The following ARFGEF1 variants were observed in gnomAD, a reference collection of about 807,000 sequenced individuals.
ARFGEF1 encodes the protein ARF guanine nucleotide exchange factor 1.
ARFGEF1 carries 42 observed loss-of-function variants against 231.0 expected under a neutral mutation model. The observed-to-expected ratio is 0.18, with a 90% CI of 0.14 to 0.24. ARFGEF1 has a LOEUF of 0.24. ARFGEF1 is among the 10% of genes least tolerant of loss of function. The pLI is 1.00. For synonymous variants in ARFGEF1, 710 were observed against 732.3 expected (o/e 0.97, Z 0.49); for missense variants, 1,345 against 2,192.0 (o/e 0.61, Z 7.72).
intron 13 of ARFGEF1, among the ~76,000 whole-genome samples, chr8:67,266,588 C>A (rs1804862653): frequency 6.6e-6 from 1 of 152,070 alleles, no homozygotes; most frequent in African/African-American, 2.4e-5. Context: ...TTAAAACATA[C>A]TGCCTTTTAT....
intron 5 of ARFGEF1, among the ~76,000 whole-genome samples, chr8:67,185,737 TGAA>T (rs1321143743): frequency 1.3e-5 from 2 of 152,008 alleles, no homozygotes; most frequent in East Asian, 1.9e-4. Flanking sequence ...CTGAAGATGA[TGAA>T]GATGATGATG....
At chr8:67,341,091 A>G (rs931236177) in intron 1 of ARFGEF1, among the ~76,000 whole-genome samples, 1 of 152,162 alleles carries the variant, frequency 6.6e-6, no homozygotes. Flanking sequence ...GGACTTGCCT[A>G]ATACTACAAC....
Position 67,269,121 on chromosome 8 carries a change from T to C in ARFGEF1, c.1573-1679A>G, listed in dbSNP as rs532844320. On this transcript the variant is annotated intron_variant, in intron 10 of 38. Coordinates refer to ENST00000262215, the MANE Select transcript of ARFGEF1 (RefSeq NM_006421.5). ...TTATCGAGGACCTATAATGTATGTA[T>C]GTGGAACAACAGCTATATCTTAAGT... 5.3e-5 allele frequency among the ~76,000 whole-genome samples: 8 copies of C among 152,320 alleles called. No homozygotes were observed. The East Asian group carries it at 1.5e-3, about 29-fold the overall frequency.
At chr8:67,325,669 C>T (rs928082258) in intron 1 of ARFGEF1, among the ~76,000 whole-genome samples, 25 of 152,248 alleles carry the variant, frequency 1.6e-4, no homozygotes, top group Middle Eastern at 3.4e-3. Context: ...ATAACTAATA[C>T]GTCTAATATT....
intron 36 of ARFGEF1, chr8:67,201,914 A>C: frequency 3.1e-6 from 1 of 322,066 alleles, no homozygotes; most frequent in Non-Finnish European, 5.7e-6. Flanking sequence ...CCTCAGATAA[A>C]CAGGGGCAAC....
Position 67,291,877 on chromosome 8 carries a change from T to C in ARFGEF1, c.886A>G (p.Thr296Ala). ...SDISSAENEQ[T>A]EADQATAAET... ...GCTGCAGTTGCCTGATCAGCTTCAG[T>C]CTGTTCATTTTCTGCACTGGAAATA... The change falls in exon 6 of 39, where the codon ACT becomes GCT. Residue 296 changes from threonine to alanine, a missense_variant. Thr to Ala is a moderately conservative substitution (Grantham distance 58, BLOSUM62 0). Transcript: ENST00000262215. 1 of 1,613,864 alleles carries C rather than the reference T, an allele frequency of 6.2e-7. No homozygotes were observed. Among genetic ancestry groups the C allele is most frequent in the Non-Finnish European group, 8.5e-7 (1 of 1,179,826 alleles).
chr8:67,271,613 TG>T, intron 10 of ARFGEF1, 88 bp downstream of exon 10: 2 of 927,340 alleles, frequency 2.2e-6, no homozygotes, highest in Non-Finnish European at 3.3e-6. Flanking sequence ...TATTTCATTC[TG>T]GAGAACTTTG....
chr8:67,218,014 C>A lies in ARFGEF1; in HGVS notation c.4463G>T (p.Cys1488Phe). The change falls in exon 31 of 39, where the codon TGT becomes TTT. Residue 1488 changes from cysteine (C) to phenylalanine (F), a missense_variant. This residue lies in a region of ARFGEF1 where 54 missense variants were observed against 86.5 expected (regional missense o/e 0.62). Transcript: ENST00000262215. ...LDDIFAQLYW[C>F]VQQDNEQLAR... is the part of the protein sequence containing the mutation. ...TGGTACAGACCTACCTTGCTGCACA[C>A]ACCAGTAGAGCTGAGCAAAAATGTC... 1 of 1,612,022 alleles carries A rather than the reference C, an allele frequency of 6.2e-7. No individual in the cohort carries two copies. Among genetic ancestry groups the A allele is most frequent in the Non-Finnish European group, 8.5e-7 (1 of 1,179,070 alleles).
intron 1 of ARFGEF1, among the ~76,000 whole-genome samples, chr8:67,310,406 G>C (rs1806949295): frequency 6.6e-6 from 1 of 152,218 alleles, no homozygotes. Context: ...GTGCTCAATA[G>C]TGCCCAGGCT....
At chr8:67,240,993 A>T (rs556038639) in intron 19 of ARFGEF1, among the ~76,000 whole-genome samples, 19 of 152,310 alleles carry the variant, frequency 1.2e-4, no homozygotes, top group Admixed American at 9.8e-4. Context: ...GTCTCATGTG[A>T]AAGTATTCAA....
chr8:67,255,645 G>C (rs954901501), intron 17 of ARFGEF1, among the ~76,000 whole-genome samples: 1 of 152,190 alleles, frequency 6.6e-6, no homozygotes, highest in African/African-American at 2.4e-5. Context: ...CTGAGGCCAA[G>C]ATCACGGGTA....
chr8:67,327,187 TTGTG>T (rs1382887874), intron 1 of ARFGEF1, among the ~76,000 whole-genome samples: 5 of 152,210 alleles, frequency 3.3e-5, no homozygotes, highest in Admixed American at 1.3e-4. Context: ...CTACTTATAC[TTGTG>T]TGTATGTTTT....
chr8:67,221,816 T>TC (rs956198077), intron 29 of ARFGEF1, among the ~76,000 whole-genome samples: 7 of 151,300 alleles, frequency 4.6e-5, no homozygotes, highest in Admixed American at 6.6e-5. Flanking sequence ...CTTTTTTTTT[T>TC]CTTTCTTTTT....
chr8:67,303,171 G>GT (rs1179143764), intron 1 of ARFGEF1, among the ~76,000 whole-genome samples: 1 of 152,058 alleles, frequency 6.6e-6, no homozygotes, highest in African/African-American at 2.4e-5. Context: ...TACGGCAGAT[G>GT]TTTGGGGACA....
At chr8:67,254,894 T>TGAC (rs1254263854) in intron 17 of ARFGEF1, among the ~76,000 whole-genome samples, 1 of 150,782 alleles carries the variant, frequency 6.6e-6, no homozygotes, top group Non-Finnish European at 1.5e-5. Flanking sequence ...ACTCAAGTCA[T>TGAC]GGCACTAAAA....
chr8:67,176,246 A>G (rs151327145), intron 5 of ARFGEF1, among the ~76,000 whole-genome samples: 168 of 152,272 alleles, frequency 1.1e-3, no homozygotes, highest in African/African-American at 3.9e-3. Flanking sequence ...TGAAAACCCA[A>G]CAATCAGATA....
chr8:67,261,680 T>C (rs1804628463), intron 14 of ARFGEF1, among the ~76,000 whole-genome samples: 1 of 152,212 alleles, frequency 6.6e-6, no homozygotes, highest in Admixed American at 6.5e-5. Flanking sequence ...AGAGTGATTT[T>C]GTTTTTGCAG....
intron 7 of ARFGEF1, among the ~76,000 whole-genome samples, chr8:67,282,334 C>G (rs184888307): frequency 0.016 from 2,476 of 151,958 alleles, 72 homozygotes; most frequent in African/African-American, 0.057. Context: ...ATTTCTATAG[C>G]TTATAATTAG....
At chr8:67,267,488 A>C (rs555163821) in intron 10 of ARFGEF1, 46 bp from the exon 11 acceptor site, 1 of 1,252,710 alleles carries the variant, frequency 8.0e-7, no homozygotes, top group Non-Finnish European at 1.2e-6. Flanking sequence ...TTTAGAATTC[A>C]TATGTGTGAT....
Sources: gnomAD v4.1 joint callset for allele counts (sites outside exome capture counted in the v4.1 genomes callset) on GRCh38, gnomAD v4.1.1 for gene constraint, gnomAD v4.1.1 regional missense constraint, MANE v1.5 for transcripts, NCBI Gene and HGNC (gene_info 2026-07-23, HGNC 2026-07-21) for gene names.